STK32A: variants seen among roughly 807,000 people sequenced by gnomAD.
STK32A encodes the protein serine/threonine-protein kinase 32A.
In STK32A, 41 loss-of-function variants were observed where a neutral mutation model predicts 53.2. The ratio of observed to expected loss-of-function variants is 0.77; its 90% CI spans 0.60 to 1.00. The LOEUF is 1.00. Among genes scored for constraint, STK32A ranks in the 50% least tolerant of loss-of-function variants. STK32A has a pLI of 0.00. For synonymous variants in STK32A, 166 were observed against 162.8 expected (o/e 1.02, Z -0.15); for missense variants, 458 against 485.8 (o/e 0.94, Z 0.54).
Position 147,375,077 on chromosome 5 carries a change from G to T in STK32A, c.904-13G>T. ...CAGTAATCTGAGGATTGAGCCAACTGTCTTCCTTGCAGAAAGGCAGGCTGA... is the reference window on the plus strand; with the variant it reads ...CAGTAATCTGAGGATTGAGCCAACTTTCTTCCTTGCAGAAAGGCAGGCTGA... On this transcript the variant is annotated splice_polypyrimidine_tract_variant and intron_variant, in intron 10 of 12. Coordinates refer to ENST00000397936, the MANE Select transcript of STK32A (RefSeq NM_001112724.2). 6.3e-7 allele frequency: 1 copy of T among 1,595,000 alleles called. No homozygotes were observed. Among genetic ancestry groups the T allele is most frequent in the Non-Finnish European group, 8.5e-7 (1 of 1,173,422 alleles).
At chr5:147,394,967 A>T in the STK32A span, among the ~76,000 whole-genome samples, 2 of 152,146 alleles carry the variant, frequency 1.3e-5, no homozygotes. Flanking sequence ...CCATTTTAAG[A>T]CTACTGGTTA....
chr5:147,265,953 G>A (rs1457348739), intron 2 of STK32A, among the ~76,000 whole-genome samples: 1 of 152,038 alleles, frequency 6.6e-6, no homozygotes, highest in Non-Finnish European at 1.5e-5. Flanking sequence ...ACCCTTCCTT[G>A]GCAAATCACG....
At chr5:147,328,990 A>T (rs373184316) in intron 5 of STK32A, among the ~76,000 whole-genome samples, 2 of 152,162 alleles carry the variant, frequency 1.3e-5, no homozygotes, top group African/African-American at 4.8e-5. Flanking sequence ...CCCCCACTAT[A>T]ACGAGGTTAT....
chr5:147,374,268 CAG>C (rs1317572911), intron 10 of STK32A, among the ~76,000 whole-genome samples: 6 of 145,462 alleles, frequency 4.1e-5, no homozygotes, highest in Non-Finnish European at 8.9e-5. Context: ...GCCTGGGTAA[CAG>C]AGTGAGACCC....
chr5:147,347,585 G>A (rs895485687), intron 6 of STK32A, among the ~76,000 whole-genome samples: 2 of 152,102 alleles, frequency 1.3e-5, no homozygotes, highest in African/African-American at 4.8e-5. Flanking sequence ...AGGACAGTTC[G>A]CACTACAAAA....
At chr5:147,256,045 G>A (rs541632281) in intron 2 of STK32A, among the ~76,000 whole-genome samples, 102 of 152,284 alleles carry the variant, frequency 6.7e-4, no homozygotes, top group African/African-American at 2.4e-3. Flanking sequence ...AAGCACAAGT[G>A]CCACTCCAGT....
At chr5:147,279,184 GTC>G in intron 3 of STK32A, 61 bp from the exon 4 acceptor site, 1 of 1,500,520 alleles carries the variant, frequency 6.7e-7, no homozygotes, top group Admixed American at 1.8e-5. Flanking sequence ...GTCTTGTTCT[GTC>G]TCTCATCACC....
chr5:147,319,144 T>C (rs1414166549), intron 4 of STK32A, among the ~76,000 whole-genome samples: 1 of 148,882 alleles, frequency 6.7e-6, no homozygotes, highest in East Asian at 2.0e-4. Context: ...TGGTACTTTT[T>C]TTTTTTTTTT....
At chr5:147,314,749 T>G (rs995738759) in intron 4 of STK32A, among the ~76,000 whole-genome samples, 152 of 150,518 alleles carry the variant, frequency 1.0e-3, no homozygotes, top group Non-Finnish European at 1.7e-3. Flanking sequence ...TCTTTTTTTT[T>G]TTTTTTGAGA....
At chr5:147,314,740 C>CTTCT (rs1753904801) in intron 4 of STK32A, among the ~76,000 whole-genome samples, 2 of 136,034 alleles carry the variant, frequency 1.5e-5, no homozygotes, top group African/African-American at 2.7e-5. Context: ...CTTTCTTTTT[C>CTTCT]TTTTTTTTTT....
chr5:147,305,746 A>T (rs571022765), intron 4 of STK32A, among the ~76,000 whole-genome samples: 1 of 152,056 alleles, frequency 6.6e-6, no homozygotes, highest in South Asian at 2.1e-4. Context: ...CATTGTATAA[A>T]TACTCCATGG....
chr5:147,381,870 A>T (rs953884543), intron 11 of STK32A, among the ~76,000 whole-genome samples: 8 of 152,108 alleles, frequency 5.3e-5, no homozygotes, highest in Non-Finnish European at 1.0e-4. Context: ...TAGGCCAGGG[A>T]TGTCCAATCT....
intron 4 of STK32A, among the ~76,000 whole-genome samples, chr5:147,298,641 G>A (rs9285666): frequency 0.82 from 124,641 of 151,758 alleles, 51,945 homozygotes; most frequent in African/African-American, 0.95. Context: ...TAAAAACTAC[G>A]CTTGTTTTTT....
chr5:147,266,023 T>C (rs1312013138), intron 2 of STK32A, among the ~76,000 whole-genome samples: 1 of 152,226 alleles, frequency 6.6e-6, no homozygotes, highest in African/African-American at 2.4e-5. Context: ...GGACTGATTC[T>C]ATCTCTATTC....
At chr5:147,329,119 C>T (rs1020264901) in intron 5 of STK32A, among the ~76,000 whole-genome samples, 1 of 151,960 alleles carries the variant, frequency 6.6e-6, no homozygotes, top group East Asian at 1.9e-4. Context: ...CATTGAGTAC[C>T]GAAATGTTGA....
intron 9 of STK32A, among the ~76,000 whole-genome samples, chr5:147,372,641 T>A (rs550921780): frequency 6.6e-6 from 1 of 152,192 alleles, no homozygotes; most frequent in Non-Finnish European, 1.5e-5. Flanking sequence ...TTTATCTCAA[T>A]TAGTAAAATC....
At chr5:147,363,611 G>T (rs1036540024) in intron 8 of STK32A, among the ~76,000 whole-genome samples, 1 of 152,204 alleles carries the variant, frequency 6.6e-6, no homozygotes, top group Non-Finnish European at 1.5e-5. Flanking sequence ...CAGCTGGATA[G>T]CATTACGGTC....
At chr5:147,345,164 G>T (rs1026596806) in intron 6 of STK32A, among the ~76,000 whole-genome samples, 1 of 152,126 alleles carries the variant, frequency 6.6e-6, no homozygotes, top group Non-Finnish European at 1.5e-5. Flanking sequence ...TCCTAGCCCC[G>T]AGAGCTTTGA....
chr5:147,320,395 TAAGACCCACCCA>T (rs1028343078), intron 4 of STK32A, among the ~76,000 whole-genome samples: 2 of 152,212 alleles, frequency 1.3e-5, no homozygotes, highest in African/African-American at 4.8e-5. Context: ...AGCATTTACA[TAAGACCCACCCA>T]AAGCTTGTGT....
Sources: gnomAD v4.1 joint callset for allele counts (sites outside exome capture counted in the v4.1 genomes callset) on GRCh38, gnomAD v4.1.1 for gene constraint, MANE v1.5 for transcripts, NCBI Gene and HGNC (gene_info 2026-07-23, HGNC 2026-07-21) for gene names.